Variants in ZRANB1 observed in about 807,000 individuals in gnomAD.
The protein encoded by ZRANB1 is ubiquitin thioesterase ZRANB1.
In ZRANB1, 16 loss-of-function variants were observed where a neutral mutation model predicts 80.5. That is an observed-to-expected ratio of 0.20 (90% confidence interval 0.13 to 0.30). The LOEUF (loss-of-function observed/expected upper bound fraction) is 0.30, where lower values mean the gene tolerates loss of function less well. Among genes scored for constraint, ZRANB1 ranks in the 10% least tolerant of loss-of-function variants. The probability of loss-of-function intolerance (pLI) is 1.00; values close to 1 mark genes in which losing one functional copy is unlikely to be tolerated. For missense variants in ZRANB1, 576 were observed against 862.6 expected (o/e 0.67, Z 4.16); for synonymous variants, 291 against 293.1 (o/e 0.99, Z 0.07).
At chr10:124,926,468 C>T in the ZRANB1 span, among the ~76,000 whole-genome samples, 1 of 152,206 alleles carries the variant, frequency 6.6e-6, no homozygotes, top group Non-Finnish European at 1.5e-5. Context: ...TAGGCCTACA[C>T]AGGGCCAGGA....
intron 8 of ZRANB1, 130 bp from the exon 9 acceptor site, chr10:124,984,644 C>T (rs1951992747): frequency 3.4e-6 from 3 of 881,354 alleles, no homozygotes; most frequent in East Asian, 5.3e-5. Context: ...GAGGTCAAAA[C>T]CATGTGAAAA....
At chr10:124,966,461 G>C in intron 1 of ZRANB1, 133 bp from the exon 2 acceptor site, 1 of 863,506 alleles carries the variant, frequency 1.2e-6, no homozygotes, top group East Asian at 2.6e-5. Flanking sequence ...TACTCTTATA[G>C]GACATTTAAA....
chr10:124,968,735 C>T (rs1302946504), intron 2 of ZRANB1, among the ~76,000 whole-genome samples: 2 of 152,096 alleles, frequency 1.3e-5, no homozygotes, highest in African/African-American at 4.8e-5. Flanking sequence ...TTAAGGGGCT[C>T]CCCTAAAGGT....
Position 124,942,296 on chromosome 10 carries a change from A to G in ZRANB1, c.-198A>G. 2.1e-6 allele frequency: 3 copies of G among 1,401,550 alleles called. No individual in the cohort carries two copies. Among genetic ancestry groups the G allele is most frequent in the Admixed American group, 3.0e-5 (1 of 33,184 alleles). 86.8% of individuals were successfully genotyped at this position (1,401,550 alleles called of 1,614,324 possible). A position where few individuals can be genotyped will look rare whatever the true frequency, so the allele number is the denominator to read the frequency against. The stretch of plus-strand genomic sequence containing the variant: ...TTGAGAATTTATCTCCAGTGTTTCT[A>G]TGGAAATTAAAAAAGAAAATTAGGA... On this transcript the variant is annotated 5_prime_UTR_variant, in exon 1 of 9. It removes an upstream start codon present in the reference 5' UTR. Transcript: ENST00000359653.
intron 1 of ZRANB1, among the ~76,000 whole-genome samples, chr10:124,957,075 G>A (rs1285187895): frequency 6.6e-6 from 1 of 151,916 alleles, no homozygotes; most frequent in Non-Finnish European, 1.5e-5. Flanking sequence ...TTCACCAATA[G>A]TTTCAGTAAT....
At chr10:124,923,756 T>C in the ZRANB1 span, among the ~76,000 whole-genome samples, 1 of 151,664 alleles carries the variant, frequency 6.6e-6, no homozygotes, top group Non-Finnish European at 1.5e-5. Flanking sequence ...TTTTAAACTA[T>C]CAGATCTCCT....
In ZRANB1 at chr10:124,983,475, G is replaced by A; in HGVS notation, c.1695G>A (p.Leu565=). 6.2e-7 allele frequency: 1 copy of A among 1,611,530 alleles called. No homozygotes were observed. The highest frequency in any genetic ancestry group is 8.5e-7 in the Non-Finnish European group (1 of 1,177,834). ...TCTTTCCAGGTGTTTATCTGCCTTT[G>A]TTGTGGGAACAGAGTTTTTGTTGGA... ...YTRFQGVYLP[L]LWEQSFCWKS... The change falls in exon 8 of 9, where the codon TTG becomes TTA. Residue 565 remains leucine, a synonymous_variant. Coordinates refer to ENST00000359653, the MANE Select transcript of ZRANB1 (RefSeq NM_017580.3). This position sits in a 1 kb window ranked among gnomAD's most constrained non-coding sequence, Gnocchi z 6.2.
the ZRANB1 span, among the ~76,000 whole-genome samples, chr10:124,919,794 G>A: frequency 1.3e-5 from 2 of 149,034 alleles, no homozygotes; most frequent in African/African-American, 2.5e-5. Flanking sequence ...TGTATTTTTA[G>A]TGGAGACGGA....
At chr10:124,975,577 C>G (rs115841790) in intron 5 of ZRANB1, among the ~76,000 whole-genome samples, 1,963 of 152,282 alleles carry the variant, frequency 0.013, 38 homozygotes, top group African/African-American at 0.045. Flanking sequence ...ATAGTTCAGT[C>G]TTTACATTTG....
At chr10:124,925,544 G>A in the ZRANB1 span, among the ~76,000 whole-genome samples, 1 of 152,124 alleles carries the variant, frequency 6.6e-6, no homozygotes, top group South Asian at 2.1e-4. Flanking sequence ...TGTGGGTTGT[G>A]TTTTCACCTT....
chr10:124,922,308 TATATATGTAAAATATATGTATATATATA>T, the ZRANB1 span, among the ~76,000 whole-genome samples: 13 of 25,626 alleles, frequency 5.1e-4, no homozygotes, highest in Non-Finnish European at 2.9e-3. Context: ...AAAATATATA[TATATATGTAAAATATATGTATATATATA>T]TTTTTTTTTT....
chr10:124,946,611 A>C (rs527694258), intron 1 of ZRANB1, among the ~76,000 whole-genome samples: 1 of 152,140 alleles, frequency 6.6e-6, no homozygotes, highest in African/African-American at 2.4e-5. Flanking sequence ...TGTCTTTCCT[A>C]TTGGCAAATA....
intron 1 of ZRANB1, among the ~76,000 whole-genome samples, chr10:124,955,659 A>G (rs936064815): frequency 2.0e-5 from 3 of 152,244 alleles, no homozygotes; most frequent in Non-Finnish European, 4.4e-5. Flanking sequence ...TTTTAGCAAC[A>G]TGAAATAAGT....
the ZRANB1 span, among the ~76,000 whole-genome samples, chr10:124,921,512 A>G: frequency 6.6e-6 from 1 of 152,144 alleles, no homozygotes; most frequent in Admixed American, 6.5e-5. Context: ...GATGAGTAGG[A>G]GGTATGGTAT....
intron 1 of ZRANB1, among the ~76,000 whole-genome samples, chr10:124,964,811 G>T (rs992729331): frequency 6.6e-6 from 1 of 152,234 alleles, no homozygotes; most frequent in Non-Finnish European, 1.5e-5. Context: ...GGTCTGAAGG[G>T]AAAGGTCGTT....
chr10:124,950,308 G>C (rs777465558), intron 1 of ZRANB1, among the ~76,000 whole-genome samples: 11 of 151,904 alleles, frequency 7.2e-5, no homozygotes, highest in Non-Finnish European at 1.6e-4. Context: ...ATTTTTTGTA[G>C]AGATGAGGTT....
At chr10:124,969,149 A>G (rs1427975274) in intron 2 of ZRANB1, among the ~76,000 whole-genome samples, 1 of 152,218 alleles carries the variant, frequency 6.6e-6, no homozygotes, top group Non-Finnish European at 1.5e-5. Flanking sequence ...ACCCCCAACA[A>G]GTGATCCAAG....
chr10:124,941,713 C>A (rs1490348800), upstream of ZRANB1, among the ~76,000 whole-genome samples: 1 of 152,112 alleles, frequency 6.6e-6, no homozygotes, highest in African/African-American at 2.4e-5. Context: ...TATGAACATT[C>A]ACAATTATAT....
intron 1 of ZRANB1, among the ~76,000 whole-genome samples, chr10:124,950,399 C>T (rs1951628175): frequency 6.6e-6 from 1 of 152,170 alleles, no homozygotes; most frequent in African/African-American, 2.4e-5. Flanking sequence ...GCTGGGATTA[C>T]AGGTGTGAGC....
Sources: gnomAD v4.1 joint callset for allele counts (sites outside exome capture counted in the v4.1 genomes callset) on GRCh38, gnomAD v4.1.1 for gene constraint, Gnocchi (gnomAD v3.1) non-coding constraint, MANE v1.5 for transcripts, NCBI Gene and HGNC (gene_info 2026-07-23, HGNC 2026-07-21) for gene names.